The following CSMD1 variants were observed in gnomAD, a reference collection of about 807,000 sequenced individuals.
CSMD1 encodes the protein CUB and Sushi multiple domains 1.
CSMD1 carries 213 observed loss-of-function variants against 417.5 expected under a neutral mutation model. The ratio of observed to expected loss-of-function variants is 0.51; its 90% CI spans 0.46 to 0.57. The LOEUF is 0.57. Ranked by LOEUF, CSMD1 falls within the 20% of genes least tolerant of loss-of-function variation. CSMD1 has a pLI of 0.00. For synonymous variants in CSMD1, 2,862 were observed against 1,736.8 expected (o/e 1.65, Z -16.11); for missense variants, 6,923 against 4,529.7 (o/e 1.53, Z -15.17).
intron 5 of CSMD1, among the ~76,000 whole-genome samples, chr8:3,848,856 A>C (rs1055091587): frequency 6.6e-6 from 1 of 151,914 alleles, no homozygotes; most frequent in East Asian, 1.9e-4. Context: ...TAAAGCACAC[A>C]TTTTTTTCAG....
intron 50 of CSMD1, among the ~76,000 whole-genome samples, chr8:3,051,870 T>G (rs904910560): frequency 6.6e-5 from 10 of 152,176 alleles, no homozygotes; most frequent in Admixed American, 1.3e-4. Context: ...TATTATTCCA[T>G]AAGACTAGAG....
At chr8:3,350,211 TACCTATAATA>T (rs1808324730) in intron 21 of CSMD1, among the ~76,000 whole-genome samples, 1 of 133,668 alleles carries the variant, frequency 7.5e-6, no homozygotes, top group Admixed American at 8.0e-5. Context: ...TGTGTTATAA[TACCTATAATA>T]ACCTATAATA....
At chr8:4,461,375 G>T (rs539865268) in intron 2 of CSMD1, among the ~76,000 whole-genome samples, 10 of 151,096 alleles carry the variant, frequency 6.6e-5, no homozygotes, top group South Asian at 2.1e-4. Context: ...AGTGATGCAG[G>T]AAATTTAAAG....
intron 3 of CSMD1, among the ~76,000 whole-genome samples, chr8:4,285,148 T>A (rs1173103431): frequency 2.0e-5 from 3 of 152,220 alleles, no homozygotes; most frequent in African/African-American, 7.2e-5. Flanking sequence ...ATATTTTGGT[T>A]GTCCACAAGT....
At position 3,142,597 on chromosome 8, in the gene CSMD1, T is replaced by G. The variant is rs201365062; in HGVS notation, c.6109A>C (p.Thr2037Pro). The change falls in exon 41 of 70, where the codon ACC becomes CCC. Residue 2037 changes from threonine (T) to proline (P), a missense_variant. Thr to Pro is a conservative substitution (Grantham distance 38). Coordinates refer to ENST00000635120, the MANE Select transcript of CSMD1 (RefSeq NM_033225.6). ...CTAAATTGTCCAATCATGGGGCTGG[T>G]GTGGTAAGGTCCATTTTGAATTTCA... ...FLEIQNGPYH[T>P]SPMIGQFSGT... The G allele has an allele frequency of 1.2e-4, 194 of 1,613,762 alleles. No homozygotes were observed. The highest frequency in any genetic ancestry group is 1.6e-4 in the Non-Finnish European group (184 of 1,179,854).
At chr8:4,156,715 C>T (rs1367588529) in intron 3 of CSMD1, among the ~76,000 whole-genome samples, 2 of 152,106 alleles carry the variant, frequency 1.3e-5, no homozygotes, top group Non-Finnish European at 2.9e-5. Context: ...AGACTATGTG[C>T]AGTTTGCAGT....
chr8:4,843,644 G>A (rs1800964772), intron 1 of CSMD1, among the ~76,000 whole-genome samples: 1 of 152,132 alleles, frequency 6.6e-6, no homozygotes, highest in Admixed American at 6.5e-5. Context: ...AACTCTGCCT[G>A]AATCTTATTA....
chr8:3,058,204 T>C (rs770488248), intron 49 of CSMD1, among the ~76,000 whole-genome samples: 23 of 152,200 alleles, frequency 1.5e-4, no homozygotes, highest in South Asian at 4.1e-4. Context: ...AATAAAAATA[T>C]TGCTTCACAA....
chr8:3,586,369 C>G, intron 8 of CSMD1, 109 bp from the exon 9 acceptor site: 1 of 1,040,008 alleles, frequency 9.6e-7, no homozygotes, highest in Non-Finnish European at 1.3e-6. Flanking sequence ...TCAGTTAAAA[C>G]AGCCTAAGAC....
At chr8:4,337,812 G>C (rs1414678920) in intron 3 of CSMD1, among the ~76,000 whole-genome samples, 2 of 152,218 alleles carry the variant, frequency 1.3e-5, no homozygotes, top group African/African-American at 4.8e-5. Context: ...TTAATCAGTA[G>C]AATAAATCAG....
At chr8:4,735,438 G>A (rs1238451637) in intron 1 of CSMD1, among the ~76,000 whole-genome samples, 2 of 152,130 alleles carry the variant, frequency 1.3e-5, no homozygotes, top group Non-Finnish European at 2.9e-5. Flanking sequence ...GGATTATTAC[G>A]TAGATCTGCA....
intron 3 of CSMD1, among the ~76,000 whole-genome samples, chr8:4,068,836 C>G (rs1479490788): frequency 6.6e-6 from 1 of 152,084 alleles, no homozygotes; most frequent in Non-Finnish European, 1.5e-5. Context: ...CATTCATGTA[C>G]TGTATCAAAA....
chr8:4,494,907 A>G (rs1801901210), intron 2 of CSMD1, among the ~76,000 whole-genome samples: 1 of 152,202 alleles, frequency 6.6e-6, no homozygotes, highest in Admixed American at 6.5e-5. Flanking sequence ...GTTAGGACAA[A>G]TTGAAAGAAG....
chr8:3,166,223 T>C (rs1164574965), intron 37 of CSMD1, among the ~76,000 whole-genome samples: 1 of 152,140 alleles, frequency 6.6e-6, no homozygotes, highest in Non-Finnish European at 1.5e-5. Flanking sequence ...TTATGTATGA[T>C]AATTCTTATC....
rs187977661 is a variant in CSMD1, at chr8:3,715,531, G to C, written c.932-7040C>G. The stretch of plus-strand genomic sequence containing the variant: ...ATCTTTACAAACTAAGACAAAGCAA[G>C]CAACCTTTTTTATTTAGTTTTAGCT... On this transcript the variant is annotated intron_variant, in intron 6 of 69. Transcript: ENST00000635120. Among the ~76,000 whole-genome samples the C allele has an allele frequency of 7.9e-5, 12 of 152,152 alleles. No homozygotes were observed. The East Asian group carries it at 1.9e-3, about 25-fold the overall frequency.
intron 5 of CSMD1, among the ~76,000 whole-genome samples, chr8:3,898,594 C>A (rs977758030): frequency 2.6e-5 from 4 of 152,072 alleles, no homozygotes; most frequent in African/African-American, 9.7e-5. Flanking sequence ...AAAAGATTTG[C>A]CTGGGGGCTG....
chr8:3,647,844 C>G (rs539457926), intron 7 of CSMD1, among the ~76,000 whole-genome samples: 17 of 152,306 alleles, frequency 1.1e-4, no homozygotes, highest in African/African-American at 2.9e-4. Flanking sequence ...TGAGAAGGCA[C>G]TTTGTACCTT....
At chr8:3,350,454 C>T (rs1408021429) in intron 21 of CSMD1, among the ~76,000 whole-genome samples, 1 of 152,044 alleles carries the variant, frequency 6.6e-6, no homozygotes, top group Non-Finnish European at 1.5e-5. Flanking sequence ...ACAGCTAGTA[C>T]AGATTAATTA....
At chr8:3,986,161 C>A (rs964043211) in intron 5 of CSMD1, among the ~76,000 whole-genome samples, 5 of 152,196 alleles carry the variant, frequency 3.3e-5, no homozygotes, top group Middle Eastern at 3.4e-3. Flanking sequence ...ACCTTAAAGT[C>A]TCTCCAAAGA....
Sources: gnomAD v4.1 joint callset for allele counts (sites outside exome capture counted in the v4.1 genomes callset) on GRCh38, gnomAD v4.1.1 for gene constraint, MANE v1.5 for transcripts, NCBI Gene and HGNC (gene_info 2026-07-23, HGNC 2026-07-21) for gene names.